Variants in PDE4B observed in about 807,000 individuals in gnomAD.
PDE4B encodes the protein phosphodiesterase 4B, also known as 3',5'-cyclic-AMP phosphodiesterase 4B.
A neutral mutation model predicts 82.2 loss-of-function variants in PDE4B; 20 were observed. The ratio of observed to expected loss-of-function variants is 0.24; its 90% CI spans 0.17 to 0.35. The LOEUF is 0.35. Among genes scored for constraint, PDE4B ranks in the 10% least tolerant of loss-of-function variants. The pLI is 1.00. For missense variants in PDE4B, 655 were observed against 907.2 expected (o/e 0.72, Z 3.57); for synonymous variants, 320 against 318.9 (o/e 1.00, Z -0.04).
intron 3 of PDE4B, among the ~76,000 whole-genome samples, 194 bp downstream of exon 3, chr1:65,919,029 G>T (rs1482079637): frequency 6.6e-6 from 1 of 152,174 alleles, no homozygotes; most frequent in East Asian, 1.9e-4. Flanking sequence ...CTTCAGAGTG[G>T]AAGGAACATG....
At chr1:65,981,969 C>T (rs1253237251) in intron 3 of PDE4B, among the ~76,000 whole-genome samples, 4 of 152,050 alleles carry the variant, frequency 2.6e-5, no homozygotes, top group Non-Finnish European at 5.9e-5. Context: ...GTTGATTAAG[C>T]CACCCAGACT....
chr1:66,149,671 T>G (rs542409509), intron 3 of PDE4B, among the ~76,000 whole-genome samples: 4 of 152,172 alleles, frequency 2.6e-5, no homozygotes, highest in African/African-American at 9.6e-5. Flanking sequence ...CTGGGCAACA[T>G]AGTGAGACCT....
At chr1:65,888,523 G>A (rs187526021) in intron 1 of PDE4B, among the ~76,000 whole-genome samples, 77 of 152,160 alleles carry the variant, frequency 5.1e-4, no homozygotes, top group Non-Finnish European at 9.9e-4. Flanking sequence ...TATTGAATCT[G>A]CAAATTGCTT....
intron 3 of PDE4B, chr1:66,152,620 T>TAAATATATATATAAATA (rs1557597042): frequency 1.8e-5 from 2 of 113,474 alleles, no homozygotes. Context: ...ATATATATAT[T>TAAATATATATATAAATA]TATATATGTG....
intron 4 of PDE4B, among the ~76,000 whole-genome samples, chr1:66,255,499 C>T (rs148405995): frequency 0.011 from 1,664 of 152,328 alleles, 15 homozygotes; most frequent in South Asian, 0.019. Context: ...ATGTCTATAG[C>T]TAATATGCTC....
chr1:66,093,046 G>A lies in PDE4B; in HGVS notation c.282-154414G>A, dbSNP rs76109096. 2.8e-3 allele frequency among the ~76,000 whole-genome samples: 431 copies of A among 152,166 alleles called. 18 individuals are homozygous for A. The East Asian group carries it at 0.068, about 24-fold the overall frequency. On this transcript the variant is annotated intron_variant, in intron 3 of 16. Transcript: ENST00000341517. Reference sequence around the variant, plus strand: ...AAAATCACCTAAGACTTTGATCTGAGGGTGAAAGTTTAATTCTGAAGTTAC... The same window carrying A: ...AAAATCACCTAAGACTTTGATCTGAAGGTGAAAGTTTAATTCTGAAGTTAC...
intron 3 of PDE4B, among the ~76,000 whole-genome samples, chr1:66,194,968 T>C (rs1648165403): frequency 1.3e-5 from 2 of 152,136 alleles, no homozygotes; most frequent in Non-Finnish European, 2.9e-5. Flanking sequence ...TCATTACCAT[T>C]AGTAATTTTA....
chr1:66,260,863 G>T (rs1340340902), intron 6 of PDE4B, among the ~76,000 whole-genome samples: 1 of 152,098 alleles, frequency 6.6e-6, no homozygotes, highest in Non-Finnish European at 1.5e-5. Flanking sequence ...TCTGGCTGAG[G>T]ACTACCCTTC....
chr1:65,955,429 A>G (rs568156991), intron 3 of PDE4B, among the ~76,000 whole-genome samples: 13 of 152,204 alleles, frequency 8.5e-5, no homozygotes, highest in African/African-American at 3.1e-4. Flanking sequence ...TTCTCCTCTT[A>G]TTGGAAAAAC....
chr1:66,217,192 T>C (rs1465165146), intron 3 of PDE4B, among the ~76,000 whole-genome samples: 1 of 152,042 alleles, frequency 6.6e-6, no homozygotes, highest in Non-Finnish European at 1.5e-5. Context: ...TCTGAGGCTA[T>C]TATACTTAGT....
chr1:66,115,681 T>C lies in PDE4B; in HGVS notation c.282-131779T>C, dbSNP rs866245523. Among the ~76,000 whole-genome samples, 8 of 152,346 alleles carry C rather than the reference T, an allele frequency of 5.3e-5. No homozygotes were observed. The South Asian group carries it at 1.0e-3, about 20-fold the overall frequency. On this transcript the variant is annotated intron_variant, in intron 3 of 16. Coordinates refer to ENST00000341517, the MANE Select transcript of PDE4B (RefSeq NM_002600.4). ...TGTTCCTCTTTTTCAATTAGTTGTG[T>C]GGACAAATTTCTCAGATCATTGCAC...
intron 3 of PDE4B, among the ~76,000 whole-genome samples, chr1:66,137,156 G>A (rs1283378485): frequency 6.6e-6 from 1 of 152,160 alleles, no homozygotes; most frequent in Non-Finnish European, 1.5e-5. Flanking sequence ...CAGGCTGAGG[G>A]AAAACAGGCA....
chr1:66,107,462 C>T (rs557052774), intron 3 of PDE4B, among the ~76,000 whole-genome samples: 77 of 151,642 alleles, frequency 5.1e-4, no homozygotes, highest in African/African-American at 1.9e-3. Flanking sequence ...TTGATTTCTT[C>T]ACTTAAAAAA....
intron 9 of PDE4B, among the ~76,000 whole-genome samples, chr1:66,357,041 C>G (rs773830830): frequency 6.6e-6 from 1 of 152,148 alleles, no homozygotes; most frequent in Non-Finnish European, 1.5e-5. Flanking sequence ...TAATGCCCAA[C>G]GATTTTTCAT....
intron 3 of PDE4B, among the ~76,000 whole-genome samples, chr1:66,204,654 A>C (rs1649387491): frequency 6.6e-6 from 1 of 152,250 alleles, no homozygotes; most frequent in Admixed American, 6.5e-5. Flanking sequence ...AGCCATGTGC[A>C]GGATATAATC....
intron 3 of PDE4B, among the ~76,000 whole-genome samples, chr1:65,970,270 A>G (rs6691929): frequency 0.28 from 41,099 of 148,628 alleles, 5,864 homozygotes; most frequent in East Asian, 0.45. Context: ...GTACGGTTCT[A>G]TTCTTCCATA....
chr1:66,113,489 G>A lies in PDE4B; in HGVS notation c.282-133971G>A, dbSNP rs530091778. On this transcript the variant is annotated intron_variant, in intron 3 of 16. Transcript: ENST00000341517. ...CATGCATTTTGTATTCACTATGCTAGTCCATAATAAGATAATTTTAATCAC... is the reference window on the plus strand; with the variant it reads ...CATGCATTTTGTATTCACTATGCTAATCCATAATAAGATAATTTTAATCAC... Among the ~76,000 whole-genome samples the A allele has an allele frequency of 3.9e-5, 6 of 152,198 alleles. No individual in the cohort carries two copies. In the South Asian group the frequency reaches 1.2e-3, roughly 32 times the overall value.
At chr1:66,120,172 G>A (rs1645681106) in intron 3 of PDE4B, among the ~76,000 whole-genome samples, 1 of 152,154 alleles carries the variant, frequency 6.6e-6, no homozygotes, top group South Asian at 2.1e-4. Flanking sequence ...TCAGCTCCTT[G>A]TTTCCAAAAT....
At chr1:65,833,114 A>T (rs1489829114) in intron 1 of PDE4B, among the ~76,000 whole-genome samples, 2 of 152,194 alleles carry the variant, frequency 1.3e-5, no homozygotes, top group Non-Finnish European at 2.9e-5. Flanking sequence ...ATTTGTTACC[A>T]TTGCATAATC....
Sources: allele counts gnomAD v4.1 joint callset (sites outside exome capture counted in the v4.1 genomes callset), GRCh38; gene constraint gnomAD v4.1.1; transcripts MANE v1.5; gene names NCBI Gene and HGNC (gene_info 2026-07-23, HGNC 2026-07-21).